Variants in SPOCK3 observed in about 807,000 individuals in gnomAD.
SPOCK3 encodes the protein SPARC (osteonectin), cwcv and kazal like domains proteoglycan 3.
Under a neutral mutation model 56.6 loss-of-function variants are expected in SPOCK3, and 30 were observed. That is an observed-to-expected ratio of 0.53 (90% CI 0.40 to 0.72). The LOEUF (loss-of-function observed/expected upper bound fraction) is 0.72. SPOCK3 is among the 30% of genes least tolerant of loss of function. The probability of loss-of-function intolerance (pLI) is 0.00; values close to 1 mark genes in which losing one functional copy is unlikely to be tolerated. For synonymous variants in SPOCK3, 196 were observed against 183.3 expected (o/e 1.07, Z -0.56); for missense variants, 527 against 530.0 (o/e 0.99, Z 0.06).
chr4:167,053,579 G>A (rs190596314), intron 3 of SPOCK3, among the ~76,000 whole-genome samples: 2 of 152,186 alleles, frequency 1.3e-5, no homozygotes, highest in Non-Finnish European at 1.5e-5. Flanking sequence ...CAGCTACTCA[G>A]GAGGCTGAGG....
Position 166,954,625 on chromosome 4 carries a change from T to C in SPOCK3, c.351-41882A>G, listed in dbSNP as rs529632484. On this transcript the variant is annotated intron_variant, in intron 4 of 10. Coordinates refer to ENST00000357545, the MANE Select transcript of SPOCK3 (RefSeq NM_001040159.2). Reference sequence around the variant, plus strand: ...AATCAGTTGGCTGTATATGTGTGAATTTATTTCTGGGCTCTCTATTCTAGT... The same window carrying C: ...AATCAGTTGGCTGTATATGTGTGAACTTATTTCTGGGCTCTCTATTCTAGT... 3.3e-5 allele frequency among the ~76,000 whole-genome samples: 5 copies of C among 152,330 alleles called. No individual in the cohort carries two copies. In the South Asian group the frequency reaches 1.0e-3, roughly 32 times the overall value.
chr4:167,034,609 C>T (rs1752565678), intron 3 of SPOCK3, among the ~76,000 whole-genome samples: 1 of 152,024 alleles, frequency 6.6e-6, no homozygotes, highest in Admixed American at 6.6e-5. Context: ...AACCATAGCT[C>T]GTACATATGT....
chr4:167,082,332 T>C (rs1757784721), intron 2 of SPOCK3, among the ~76,000 whole-genome samples: 1 of 152,078 alleles, frequency 6.6e-6, no homozygotes, highest in African/African-American at 2.4e-5. Context: ...TGCCAAATCT[T>C]TTACAGAAGT....
intron 3 of SPOCK3, among the ~76,000 whole-genome samples, chr4:167,037,053 C>T (rs2150192448): frequency 6.6e-6 from 1 of 152,076 alleles, no homozygotes; most frequent in Middle Eastern, 3.4e-3. Context: ...CATTTTTTTA[C>T]AAAAGAGATT....
intron 3 of SPOCK3, among the ~76,000 whole-genome samples, chr4:167,029,345 C>T (rs35926182): frequency 0.028 from 4,188 of 151,992 alleles, 88 homozygotes; most frequent in Middle Eastern, 0.062. Context: ...ATTAAATTTA[C>T]CATCTTCTGT....
intron 7 of SPOCK3, among the ~76,000 whole-genome samples, chr4:166,769,424 A>G (rs560369381): frequency 6.6e-6 from 1 of 152,296 alleles, no homozygotes; most frequent in South Asian, 2.1e-4. Flanking sequence ...CCTCAGCTGC[A>G]GGTATGTTGG....
chr4:167,103,716 T>G (rs573889585), intron 2 of SPOCK3, among the ~76,000 whole-genome samples: 1 of 152,144 alleles, frequency 6.6e-6, no homozygotes, highest in Admixed American at 6.6e-5. Flanking sequence ...CACCTGCAGA[T>G]AGTAGAGCCC....
chr4:166,794,210 C>CAAAAAAAAAAAAAAAAAAAA (rs10710162), intron 6 of SPOCK3, among the ~76,000 whole-genome samples: 1 of 73,612 alleles, frequency 1.4e-5, no homozygotes. Flanking sequence ...GGTGATAAGG[C>CAAAAAAAAAAAAAAAAAAAA]AAAAAAAAAA....
chr4:166,752,563 TATATATATATACACACAC>T lies in SPOCK3; in HGVS notation c.931+1927_931+1944del, dbSNP rs765697396. ...GTAGCTATATGTGTGTATATATATA[TATATATATATACACACAC>T]ACACACACACACACACACACACACA... On this transcript the variant is annotated intron_variant, in intron 8 of 10. Coordinates refer to ENST00000357545, the MANE Select transcript of SPOCK3 (RefSeq NM_001040159.2). Among the ~76,000 whole-genome samples, 239 of 53,436 alleles carry T rather than the reference TATATATATATACACACAC, an allele frequency of 4.5e-3. 3 individuals are homozygous for T. Among genetic ancestry groups the T allele is most frequent in the Admixed American group, 0.011 (47 of 4,374 alleles). The allele number at this position is 53,436 out of a possible 152,430, so 35.1% of individuals were successfully genotyped here. A position where few individuals can be genotyped will look rare whatever the true frequency, so the allele number is the denominator to read the frequency against.
rs148676969 is a variant in SPOCK3, at chr4:166,765,022, C to G, written c.710-10293G>C. ...AGTGTCTGTTCATATCCTTTACCCACTTTTCGATGGGTTCTTTGTTTTTTT... is the reference window on the plus strand; with the variant it reads ...AGTGTCTGTTCATATCCTTTACCCAGTTTTCGATGGGTTCTTTGTTTTTTT... On this transcript the variant is annotated intron_variant, in intron 7 of 10. Transcript: ENST00000357545. 1.5e-3 allele frequency among the ~76,000 whole-genome samples: 229 copies of G among 152,270 alleles called. 2 individuals are homozygous for G. Among genetic ancestry groups the G allele is most frequent in the African/African-American group, 5.2e-3 (216 of 41,532 alleles).
In SPOCK3 at chr4:166,901,447, G is replaced by A. The variant is rs1005995620; in HGVS notation, c.474+11173C>T. On this transcript the variant is annotated intron_variant, in intron 5 of 10. Transcript: ENST00000357545. Reference sequence around the variant, plus strand: ...AGATACCTTGCAGGAAGTTCTTTTCGTAACAGGAGGTATGCAATTAGAAAA... The same window carrying A: ...AGATACCTTGCAGGAAGTTCTTTTCATAACAGGAGGTATGCAATTAGAAAA... Among the ~76,000 whole-genome samples, 16 of 152,152 alleles carry A rather than the reference G, an allele frequency of 1.1e-4. 1 individual carries two copies. The South Asian group carries it at 1.2e-3, about 12-fold the overall frequency.
At chr4:167,070,784 G>C (rs2150265381) in intron 2 of SPOCK3, among the ~76,000 whole-genome samples, 1 of 152,010 alleles carries the variant, frequency 6.6e-6, no homozygotes, top group East Asian at 1.9e-4. Context: ...TTCCTGTGTA[G>C]AAATACTTAA....
intron 2 of SPOCK3, among the ~76,000 whole-genome samples, chr4:167,127,749 A>G (rs35065151): frequency 0.52 from 79,208 of 152,034 alleles, 20,915 homozygotes; most frequent in East Asian, 0.67. Flanking sequence ...TTAATTGGTA[A>G]CCAATTATTC....
intron 2 of SPOCK3, among the ~76,000 whole-genome samples, chr4:167,205,623 A>C (rs1189743464): frequency 2.5e-5 from 3 of 121,264 alleles, no homozygotes; most frequent in African/African-American, 9.4e-5. Context: ...ATATCTATAT[A>C]TATTTTCCTG....
chr4:167,223,021 AT>A (rs1288901077), intron 2 of SPOCK3, among the ~76,000 whole-genome samples: 1 of 123,112 alleles, frequency 8.1e-6, no homozygotes, highest in Non-Finnish European at 1.6e-5. Context: ...ATATATGAAT[AT>A]ATAATATATT....
chr4:166,840,733 G>C (rs980168666), intron 6 of SPOCK3, among the ~76,000 whole-genome samples: 3 of 145,622 alleles, frequency 2.1e-5, no homozygotes, highest in African/African-American at 7.7e-5. Flanking sequence ...AGAAGGAATA[G>C]GAAAAGCTAT....
At position 166,912,709 on chromosome 4, in the gene SPOCK3, T is replaced by C. The variant is rs1287736639; in HGVS notation, c.385A>G (p.Arg129Gly). Residue 129 changes from arginine (R) to glycine (G), a missense_variant, in exon 5 of 11, where the codon AGG becomes GGG. Transcript: ENST00000357545. ...TTGCAGGTGGATAATATGGGACCCC[T>C]CCACTGCCTATGGTCTACTCCTGCT... ...KEAGVDHRQW[R>G]GPILSTCKQC... 1 of 1,613,160 alleles carries C rather than the reference T, an allele frequency of 6.2e-7. No individual in the cohort carries two copies. Among genetic ancestry groups the C allele is most frequent in the Non-Finnish European group, 8.5e-7 (1 of 1,179,596 alleles).
chr4:167,058,212 C>T lies in SPOCK3; in HGVS notation c.235+4280G>A, dbSNP rs530960949. On this transcript the variant is annotated intron_variant, in intron 3 of 10. Transcript: ENST00000357545. ...TTAGGAAAAGAGGAAGTCAAATTGT[C>T]CCTGTTTGCAGATGACATGATTGTA... Among the ~76,000 whole-genome samples, 19 of 152,276 alleles carry T rather than the reference C, an allele frequency of 1.2e-4. No homozygotes were observed. The South Asian group carries it at 3.5e-3, about 28-fold the overall frequency.
intron 7 of SPOCK3, among the ~76,000 whole-genome samples, chr4:166,765,036 C>G (rs1339021112): frequency 2.6e-5 from 4 of 151,716 alleles, no homozygotes; most frequent in Admixed American, 2.6e-4. Context: ...TCGATGGGTT[C>G]TTTGTTTTTT....
Sources: gnomAD v4.1 joint callset for allele counts (sites outside exome capture counted in the v4.1 genomes callset) on GRCh38, gnomAD v4.1.1 for gene constraint, MANE v1.5 for transcripts, NCBI Gene and HGNC (gene_info 2026-07-23, HGNC 2026-07-21) for gene names.